EML6: variants seen among roughly 807,000 people sequenced by gnomAD.
EML6 encodes the protein EMAP like 6.
A neutral mutation model predicts 240.1 loss-of-function variants in EML6; 154 were observed. The observed-to-expected ratio is 0.64, with a 90% CI of 0.56 to 0.73. The LOEUF (loss-of-function observed/expected upper bound fraction) is 0.73, where lower values mean the gene tolerates loss of function less well. EML6 is among the 30% of genes least tolerant of loss of function. The pLI, the probability that EML6 is intolerant of heterozygous loss-of-function variation, is 0.00. For synonymous variants in EML6, 1,148 were observed against 899.0 expected (o/e 1.28, Z -4.95); for missense variants, 2,964 against 2,474.6 (o/e 1.20, Z -4.20).
intron 2 of EML6, among the ~76,000 whole-genome samples, chr2:54,771,333 CAT>C (rs1352292428): frequency 6.6e-6 from 1 of 152,226 alleles, no homozygotes; most frequent in East Asian, 1.9e-4. Context: ...TGAGTCACCA[CAT>C]GTCCCGTAAC....
intron 24 of EML6, among the ~76,000 whole-genome samples, chr2:54,908,308 C>G (rs1459874782): frequency 6.6e-6 from 1 of 150,886 alleles, no homozygotes; most frequent in Non-Finnish European, 1.5e-5. Flanking sequence ...CTCCTGTGCT[C>G]AAGAGATCCT....
At chr2:54,925,693 T>G (rs13430119) in intron 26 of EML6, among the ~76,000 whole-genome samples, 30,442 of 152,096 alleles carry the variant, frequency 0.2, 3,622 homozygotes, top group African/African-American at 0.33. Flanking sequence ...CCATGAGACA[T>G]ACCCTATCCT....
rs190459032 is a variant in EML6, at chr2:54,816,971, C to A, written c.456+86C>A. ...CGTCTCAGACTTCTAATGTTTTTAACAGTAAATATTTCAGTATACATTTTT... is the reference window on the plus strand; with the variant it reads ...CGTCTCAGACTTCTAATGTTTTTAAAAGTAAATATTTCAGTATACATTTTT... On this transcript the variant is annotated intron_variant, in intron 4 of 41. Transcript: ENST00000356458. The A allele has an allele frequency of 7.6e-3, 6,080 of 803,334 alleles. 50 individuals carry two copies. The highest frequency in any genetic ancestry group is 0.013 in the South Asian group (871 of 65,760). 49.8% of individuals were successfully genotyped at this position (803,334 alleles called of 1,614,324 possible). A position where few individuals can be genotyped will look rare whatever the true frequency, so the allele number is the denominator to read the frequency against.
In EML6 at chr2:54,971,494, G is replaced by T. The variant is rs1489856178; in HGVS notation, c.*1399G>T. The T allele has an allele frequency of 6.6e-6, 1 of 152,162 alleles. No homozygotes were observed. Among genetic ancestry groups the T allele is most frequent in the Non-Finnish European group, 1.5e-5 (1 of 68,036 alleles). 9.4% of individuals were successfully genotyped at this position (152,162 alleles called of 1,614,324 possible). A position where few individuals can be genotyped will look rare whatever the true frequency, so the allele number is the denominator to read the frequency against. On this transcript the variant is annotated 3_prime_UTR_variant, in exon 42 of 42. Transcript: ENST00000356458. ...CTTGCATTTGTCAGTTTAGAGAAAA[G>T]GTAAAATGAGGCATTTTCAATTGTA...
intron 4 of EML6, among the ~76,000 whole-genome samples, chr2:54,819,275 T>G (rs891701342): frequency 6.6e-6 from 1 of 152,276 alleles, no homozygotes; most frequent in Middle Eastern, 3.4e-3. Context: ...TGGATCTACC[T>G]CCATCAGAAT....
chr2:54,897,307 C>T (rs941633921), intron 21 of EML6, among the ~76,000 whole-genome samples: 1 of 152,158 alleles, frequency 6.6e-6, no homozygotes, highest in African/African-American at 2.4e-5. Context: ...CTCTACAATT[C>T]TATTCTTTCC....
intron 5 of EML6, among the ~76,000 whole-genome samples, chr2:54,822,372 T>A (rs1668373269): frequency 6.6e-6 from 1 of 152,182 alleles, no homozygotes; most frequent in Non-Finnish European, 1.5e-5. Context: ...GATCCAGTAA[T>A]TTCATATCTT....
In EML6 at chr2:54,964,434, G is replaced by C. The variant is rs377690359; in HGVS notation, c.5331-137G>C. ...TGTTGAATTCCGTAGAATGCCAGGA[G>C]AGGCTGACCACATGTGAGTCACAAG... On this transcript the variant is annotated intron_variant, in intron 37 of 41. Transcript: ENST00000356458. The C allele has an allele frequency of 3.8e-4, 299 of 794,024 alleles. 3 individuals are homozygous for C. In the South Asian group the frequency reaches 5.3e-3, roughly 14 times the overall value. The allele number at this position is 794,024 out of a possible 1,614,324, so 49.2% of individuals were successfully genotyped here.
At chr2:54,839,074 C>T (rs959944080) in intron 7 of EML6, among the ~76,000 whole-genome samples, 1 of 152,152 alleles carries the variant, frequency 6.6e-6, no homozygotes, top group Non-Finnish European at 1.5e-5. Flanking sequence ...TTGGTCAGCC[C>T]AGCTGGGACA....
intron 30 of EML6, among the ~76,000 whole-genome samples, chr2:54,951,109 C>A (rs554049169): frequency 5.9e-5 from 9 of 152,304 alleles, no homozygotes; most frequent in African/African-American, 2.2e-4. Context: ...AGACCATAAC[C>A]ATGAAGAAAT....
chr2:54,791,505 G>A (rs781182249), intron 2 of EML6, among the ~76,000 whole-genome samples: 46 of 152,194 alleles, frequency 3.0e-4, no homozygotes, highest in Non-Finnish European at 1.8e-4. Context: ...CACCAGCAAT[G>A]TAAACCCTGA....
At chr2:54,811,938 A>G (rs1032914812) in intron 2 of EML6, among the ~76,000 whole-genome samples, 8 of 152,202 alleles carry the variant, frequency 5.3e-5, no homozygotes, top group African/African-American at 1.9e-4. Flanking sequence ...ATCTTTTTGT[A>G]TTACTTGCTT....
rs1443803391 is a variant in EML6 at position 54,971,103 on chromosome 2, G to C, written c.*1008G>C. 6.6e-6 allele frequency: 1 copy of C among 152,234 alleles called. No individual in the cohort carries two copies. The highest frequency in any genetic ancestry group is 1.5e-5 in the Non-Finnish European group (1 of 68,050). The allele number at this position is 152,234 out of a possible 1,614,324, so 9.4% of individuals were successfully genotyped here. A position where few individuals can be genotyped will look rare whatever the true frequency, so the allele number is the denominator to read the frequency against. ...GCTGCACCTTGGTGTACCACCCTGAGTGGAGTTGAGGTGACTTCATTTGAT... is the reference window on the plus strand; with the variant it reads ...GCTGCACCTTGGTGTACCACCCTGACTGGAGTTGAGGTGACTTCATTTGAT... On this transcript the variant is annotated 3_prime_UTR_variant, in exon 42 of 42. Coordinates refer to ENST00000356458, the MANE Select transcript of EML6 (RefSeq NM_001039753.4).
At position 54,964,583 on chromosome 2, in the gene EML6, C is replaced by G; in HGVS notation, c.5343C>G (p.Asp1781Glu). The change falls in exon 38 of 42, where the codon GAC becomes GAG. Residue 1781 changes from aspartate (D) to glutamate (E), a missense_variant. Coordinates refer to ENST00000356458, the MANE Select transcript of EML6 (RefSeq NM_001039753.4). The stretch of plus-strand genomic sequence containing the variant: ...TTGCTTTTTCTAGAATCAGCCCAGA[C>G]AACCGATTCTTAGCCGTTGGTTCTT... Reference protein sequence around the residue: ...SAIQDIRISPDNRFLAVGSSE... With the variant: ...SAIQDIRISPENRFLAVGSSE... 2.6e-6 allele frequency: 4 copies of G among 1,552,374 alleles called. No homozygotes were observed. The highest frequency in any genetic ancestry group is 3.5e-6 in the Non-Finnish European group (4 of 1,147,110).
chr2:54,898,213 C>A (rs1434132454), intron 21 of EML6, among the ~76,000 whole-genome samples: 1 of 152,078 alleles, frequency 6.6e-6, no homozygotes, highest in East Asian at 1.9e-4. Context: ...ATTCAAGGTC[C>A]TTCAAGCCTG....
intron 2 of EML6, among the ~76,000 whole-genome samples, chr2:54,811,894 A>T (rs1452231046): frequency 1.3e-5 from 2 of 152,196 alleles, no homozygotes; most frequent in Non-Finnish European, 2.9e-5. Context: ...TATAGCATTC[A>T]CCTGTTGTGA....
intron 2 of EML6, among the ~76,000 whole-genome samples, chr2:54,808,441 T>C (rs1397992298): frequency 6.6e-6 from 1 of 151,930 alleles, no homozygotes; most frequent in Non-Finnish European, 1.5e-5. Context: ...GCCTCTGACA[T>C]GGAAAAGCTG....
At chr2:54,953,138 A>G (rs1294398818) in intron 31 of EML6, among the ~76,000 whole-genome samples, 2 of 152,148 alleles carry the variant, frequency 1.3e-5, no homozygotes, top group East Asian at 3.9e-4. Context: ...AGCAATTTTT[A>G]CAACTTCCTG....
intron 2 of EML6, among the ~76,000 whole-genome samples, chr2:54,776,192 C>T (rs931832867): frequency 6.6e-6 from 1 of 151,916 alleles, no homozygotes; most frequent in Non-Finnish European, 1.5e-5. Flanking sequence ...TTTTTAGTTT[C>T]TGACTCTAGT....
Sources: allele counts gnomAD v4.1 joint callset (sites outside exome capture counted in the v4.1 genomes callset), GRCh38; gene constraint gnomAD v4.1.1; transcripts MANE v1.5; gene names NCBI Gene and HGNC (gene_info 2026-07-23, HGNC 2026-07-21).